The following TG variants were observed in gnomAD, a reference collection of about 807,000 sequenced individuals.
TG encodes thyroid hormones.
A neutral mutation model predicts 324.7 loss-of-function variants in TG; 270 were observed. The observed-to-expected ratio is 0.83, with a 90% confidence interval of 0.75 to 0.92. The LOEUF is 0.92. TG is among the 40% of genes least tolerant of loss of function. The pLI, the probability that TG is intolerant of heterozygous loss-of-function variation, is 0.00. For missense variants in TG, 3,591 were observed against 3,456.4 expected (o/e 1.04, Z -0.98); for synonymous variants, 1,401 against 1,327.0 (o/e 1.06, Z -1.21).
At chr8:133,077,287 T>G (rs1845037333) in intron 41 of TG, among the ~76,000 whole-genome samples, 1 of 152,130 alleles carries the variant, frequency 6.6e-6, no homozygotes, top group South Asian at 2.1e-4. Context: ...AGTGGGTTCC[T>G]GTTCAAGGGG....
rs377544096 is a variant in TG at position 133,034,052 on chromosome 8, T to G, written c.7239+4029T>G. Among the ~76,000 whole-genome samples, 4 of 152,350 alleles carry G rather than the reference T, an allele frequency of 2.6e-5. No homozygotes were observed. The East Asian group carries it at 7.7e-4, about 29-fold the overall frequency. ...TTCTCTATCGTTTTTGCAGTATATC[T>G]CATAGTGTGAGCATGCTATGCTTGT... On this transcript the variant is annotated intron_variant, in intron 41 of 47. Coordinates refer to ENST00000220616, the MANE Select transcript of TG (RefSeq NM_003235.5).
intron 41 of TG, among the ~76,000 whole-genome samples, chr8:133,085,605 A>G (rs1846406399): frequency 6.6e-6 from 1 of 152,218 alleles, no homozygotes; most frequent in South Asian, 2.1e-4. Flanking sequence ...ATAGCAAAAG[A>G]TTCTTAACAC....
intron 28 of TG, among the ~76,000 whole-genome samples, chr8:132,961,850 GCGA>G (rs1564007722): frequency 6.6e-6 from 1 of 152,118 alleles, no homozygotes; most frequent in Non-Finnish European, 1.5e-5. Flanking sequence ...GAGAGGATTG[GCGA>G]CTTGCTTCTA....
At chr8:133,027,149 C>T (rs537842717) in intron 40 of TG, among the ~76,000 whole-genome samples, 1 of 152,242 alleles carries the variant, frequency 6.6e-6, no homozygotes, top group South Asian at 2.1e-4. Flanking sequence ...CAGGGCGAGC[C>T]CAGAACAGTG....
At chr8:132,916,242 ATTG>A (rs977369311) in intron 20 of TG, among the ~76,000 whole-genome samples, 1 of 152,206 alleles carries the variant, frequency 6.6e-6, no homozygotes, top group Admixed American at 6.5e-5. Flanking sequence ...GGTAATACCT[ATTG>A]TTGTTTAGAC....
intron 41 of TG, among the ~76,000 whole-genome samples, chr8:133,077,431 T>C (rs7845804): frequency 0.28 from 42,089 of 152,092 alleles, 6,585 homozygotes; most frequent in African/African-American, 0.41. Flanking sequence ...TAACCTCCCC[T>C]GACCCCCAGC....
chr8:132,905,624 C>T (rs553764144), intron 16 of TG, among the ~76,000 whole-genome samples: 49 of 152,116 alleles, frequency 3.2e-4, no homozygotes, highest in Non-Finnish European at 5.7e-4. Context: ...AACTCATATT[C>T]ATTGAGCTGT....
chr8:132,955,321 G>A (rs920371994), intron 27 of TG, among the ~76,000 whole-genome samples: 1 of 152,160 alleles, frequency 6.6e-6, no homozygotes, highest in Non-Finnish European at 1.5e-5. Flanking sequence ...CCCAGTGAAG[G>A]CCCATCTTGC....
intron 43 of TG, among the ~76,000 whole-genome samples, chr8:133,108,217 A>G (rs1849986832): frequency 1.3e-5 from 2 of 151,242 alleles, no homozygotes; most frequent in Admixed American, 6.6e-5. Flanking sequence ...CGATCTCCTG[A>G]CCTTGTGATC....
chr8:133,119,422 G>C (rs996269457), intron 45 of TG, among the ~76,000 whole-genome samples: 2 of 152,154 alleles, frequency 1.3e-5, no homozygotes, highest in East Asian at 3.9e-4. Flanking sequence ...TATAAACAAC[G>C]TAAACTTATT....
intron 36 of TG, among the ~76,000 whole-genome samples, 165 bp downstream of exon 36, chr8:133,012,200 C>G (rs1241021493): frequency 6.6e-6 from 1 of 152,156 alleles, no homozygotes; most frequent in Non-Finnish European, 1.5e-5. Context: ...CTCCTCATTA[C>G]CCCACAGGGC....
At chr8:132,908,161 G>C (rs1355388518) in intron 17 of TG, 25 bp from the exon 18 acceptor site, 1 of 1,613,248 alleles carries the variant, frequency 6.2e-7, no homozygotes, top group Admixed American at 1.7e-5. Context: ...CATTGCCTCT[G>C]CTGATCTCTG....
intron 27 of TG, among the ~76,000 whole-genome samples, chr8:132,950,066 AAC>A (rs1825890949): frequency 6.6e-6 from 1 of 152,242 alleles, no homozygotes; most frequent in East Asian, 1.9e-4. Flanking sequence ...TCTGTGTTCT[AAC>A]AAGTGGTCCA....
chr8:133,100,868 G>T (rs542563996), intron 43 of TG, among the ~76,000 whole-genome samples: 7 of 152,092 alleles, frequency 4.6e-5, no homozygotes, highest in Non-Finnish European at 1.0e-4. Context: ...TAGCCTTAGG[G>T]GTTAGCCTAA....
chr8:133,130,247 T>C (rs1851838537), intron 45 of TG, among the ~76,000 whole-genome samples: 1 of 152,226 alleles, frequency 6.6e-6, no homozygotes, highest in Non-Finnish European at 1.5e-5. Flanking sequence ...ATACTTGGAA[T>C]GCAGCTTCCT....
At chr8:133,125,736 G>A (rs188897589) in intron 45 of TG, among the ~76,000 whole-genome samples, 7 of 152,162 alleles carry the variant, frequency 4.6e-5, no homozygotes, top group African/African-American at 1.4e-4. Context: ...CTGAGTGCGC[G>A]CTAGGACACT....
chr8:132,981,657 G>T (rs566454455), intron 34 of TG, among the ~76,000 whole-genome samples: 1 of 152,218 alleles, frequency 6.6e-6, no homozygotes, highest in Non-Finnish European at 1.5e-5. Flanking sequence ...CAACAGCAGC[G>T]CTGGGGAACT....
intron 35 of TG, among the ~76,000 whole-genome samples, chr8:133,011,040 A>G (rs1247264316): frequency 6.6e-6 from 1 of 152,200 alleles, no homozygotes; most frequent in Non-Finnish European, 1.5e-5. Context: ...GTTTTCCGAG[A>G]AGCAGACTCT....
intron 6 of TG, 132 bp from the exon 7 acceptor site, chr8:132,882,337 T>TA: frequency 1.8e-6 from 2 of 1,102,306 alleles, no homozygotes; most frequent in Non-Finnish European, 2.8e-6. Flanking sequence ...TGGAAACTGT[T>TA]AAAGTGTTGT....
Sources: gnomAD v4.1 joint callset for allele counts (sites outside exome capture counted in the v4.1 genomes callset) on GRCh38, gnomAD v4.1.1 for gene constraint, MANE v1.5 for transcripts, NCBI Gene and HGNC (gene_info 2026-07-23, HGNC 2026-07-21) for gene names.